Variants in RAPGEF6 observed in about 807,000 individuals in gnomAD.
The protein encoded by RAPGEF6 is PDZ domain containing guanine nucleotide exchange factor (GEF) 2.
RAPGEF6 carries 56 observed loss-of-function variants against 171.4 expected under a neutral mutation model. The ratio of observed to expected loss-of-function variants is 0.33; its 90% confidence interval spans 0.26 to 0.41. The LOEUF (loss-of-function observed/expected upper bound fraction) is 0.41, where lower values mean the gene tolerates loss of function less well. Among genes scored for constraint, RAPGEF6 ranks in the 10% least tolerant of loss-of-function variants. RAPGEF6 has a pLI of 1.00. For missense variants in RAPGEF6, 1,674 were observed against 1,921.4 expected, an observed-to-expected ratio of 0.87 and a Z score of 2.41; for synonymous variants, 692 against 650.1, an observed-to-expected ratio of 1.06 and a Z score of -0.98.
At chr5:131,602,627 G>A (rs573019046) in intron 3 of RAPGEF6, among the ~76,000 whole-genome samples, 22 of 152,202 alleles carry the variant, frequency 1.4e-4, no homozygotes, top group Admixed American at 5.9e-4. Context: ...CAGGCATGGC[G>A]GCTAATGCCC....
At chr5:131,438,151 G>T (rs879899259) in intron 24 of RAPGEF6, among the ~76,000 whole-genome samples, 5 of 152,100 alleles carry the variant, frequency 3.3e-5, no homozygotes, top group African/African-American at 7.2e-5. Context: ...ACTACCCCTG[G>T]CTAATTTTTT....
chr5:131,627,663 C>T (rs923379048), intron 1 of RAPGEF6, among the ~76,000 whole-genome samples: 6 of 152,070 alleles, frequency 3.9e-5, no homozygotes, highest in East Asian at 1.9e-4. Context: ...GGCATAATGA[C>T]GCAAAGAAGT....
At chr5:131,540,548 A>G (rs1325766177) in intron 6 of RAPGEF6, among the ~76,000 whole-genome samples, 3 of 152,236 alleles carry the variant, frequency 2.0e-5, no homozygotes, top group African/African-American at 7.2e-5. Context: ...TGGGCAACAG[A>G]GCGAGACCCT....
chr5:131,513,700 A>G (rs1345767239), intron 7 of RAPGEF6, among the ~76,000 whole-genome samples: 1 of 152,146 alleles, frequency 6.6e-6, no homozygotes, highest in African/African-American at 2.4e-5. Context: ...AAAGAATATA[A>G]TCTACCCTTA....
At position 131,498,687 on chromosome 5, in the gene RAPGEF6, T is replaced by C. The variant is rs948966609; in HGVS notation, c.1255-80A>G. The C allele has an allele frequency of 3.2e-6, 4 of 1,266,396 alleles. No individual in the cohort carries two copies. In the East Asian group the frequency reaches 7.0e-5, roughly 22 times the overall value. 78.4% of individuals were successfully genotyped at this position (1,266,396 alleles called of 1,614,324 possible). On this transcript the variant is annotated intron_variant, in intron 11 of 27. Coordinates refer to ENST00000509018, the MANE Select transcript of RAPGEF6 (RefSeq NM_016340.6). ...AAGAACTATTGTTGATTACTCCGCT[T>C]TGTAGCTACTCCATTAGACAAATCG...
chr5:131,569,945 G>A (rs1762174314), intron 4 of RAPGEF6, among the ~76,000 whole-genome samples: 1 of 150,772 alleles, frequency 6.6e-6, no homozygotes, highest in Non-Finnish European at 1.5e-5. Context: ...GGGAGGCTGA[G>A]GCAGGAGAAT....
At chr5:131,552,009 A>C (rs1346096587) in intron 5 of RAPGEF6, among the ~76,000 whole-genome samples, 2 of 152,146 alleles carry the variant, frequency 1.3e-5, no homozygotes, top group Non-Finnish European at 2.9e-5. Context: ...ATGATGTGAA[A>C]GCAAGAATAC....
At chr5:131,567,095 CAA>C (rs34938105) in intron 4 of RAPGEF6, among the ~76,000 whole-genome samples, 53 of 131,654 alleles carry the variant, frequency 4.0e-4, no homozygotes, top group African/African-American at 1.2e-3. Context: ...ACTCTTGTCT[CAA>C]AAAAAAAAAA....
intron 1 of RAPGEF6, among the ~76,000 whole-genome samples, chr5:131,628,966 A>G (rs1766117440): frequency 6.6e-6 from 1 of 152,214 alleles, no homozygotes; most frequent in South Asian, 2.1e-4. Flanking sequence ...AAGAGCTCAG[A>G]TGGAGGTACA....
At chr5:131,586,468 T>TAAAA (rs1763262508) in intron 4 of RAPGEF6, among the ~76,000 whole-genome samples, 1 of 152,158 alleles carries the variant, frequency 6.6e-6, no homozygotes, top group African/African-American at 2.4e-5. Flanking sequence ...CTGTCTCTAC[T>TAAAA]AAAAATACAA....
At chr5:131,524,440 A>G (rs1758719287) in intron 6 of RAPGEF6, among the ~76,000 whole-genome samples, 1 of 152,168 alleles carries the variant, frequency 6.6e-6, no homozygotes, top group South Asian at 2.1e-4. Context: ...AAAGCATAGT[A>G]AAAAAGTGTA....
intron 6 of RAPGEF6, among the ~76,000 whole-genome samples, chr5:131,535,277 G>A (rs1013182098): frequency 6.6e-6 from 1 of 152,038 alleles, no homozygotes; most frequent in African/African-American, 2.4e-5. Flanking sequence ...TACTCAACAC[G>A]GGGATCCACC....
At chr5:131,490,059 G>A (rs1050977628) in intron 14 of RAPGEF6, among the ~76,000 whole-genome samples, 2 of 152,082 alleles carry the variant, frequency 1.3e-5, no homozygotes, top group African/African-American at 2.4e-5. Context: ...TTCTTTTAAA[G>A]GGAGTACTCT....
At chr5:131,540,757 A>C (rs1456442491) in intron 6 of RAPGEF6, among the ~76,000 whole-genome samples, 1 of 152,228 alleles carries the variant, frequency 6.6e-6, no homozygotes, top group African/African-American at 2.4e-5. Flanking sequence ...CTAGAGAATA[A>C]AGTTAAATAA....
intron 7 of RAPGEF6, 53 bp from the exon 8 acceptor site, chr5:131,510,544 TCA>T: frequency 6.4e-7 from 1 of 1,550,768 alleles, no homozygotes; most frequent in East Asian, 2.3e-5. Context: ...ATATTATAAG[TCA>T]CAGTCTGAAT....
chr5:131,622,283 T>G (rs1295496693), intron 1 of RAPGEF6, among the ~76,000 whole-genome samples: 1 of 152,232 alleles, frequency 6.6e-6, no homozygotes, highest in African/African-American at 2.4e-5. Flanking sequence ...ATTTTGATTC[T>G]GAGAGATTGA....
intron 6 of RAPGEF6, among the ~76,000 whole-genome samples, chr5:131,522,354 C>T (rs1430788315): frequency 6.6e-6 from 1 of 152,132 alleles, no homozygotes; most frequent in Non-Finnish European, 1.5e-5. Flanking sequence ...AAGAAGTATG[C>T]TAATTTATTT....
chr5:131,524,640 G>C (rs1758758137), intron 6 of RAPGEF6, among the ~76,000 whole-genome samples: 1 of 129,002 alleles, frequency 7.8e-6, no homozygotes, highest in African/African-American at 2.8e-5. Flanking sequence ...GAGAGAGAGA[G>C]AGACTTGCTC....
At chr5:131,573,444 CA>C (rs1762426492) in intron 4 of RAPGEF6, among the ~76,000 whole-genome samples, 3 of 152,054 alleles carry the variant, frequency 2.0e-5, no homozygotes, top group Admixed American at 1.3e-4. Flanking sequence ...CTCAGTCCTA[CA>C]ATCTAACCTG....
Sources: allele counts gnomAD v4.1 joint callset (sites outside exome capture counted in the v4.1 genomes callset), GRCh38; gene constraint gnomAD v4.1.1; transcripts MANE v1.5; gene names NCBI Gene and HGNC (gene_info 2026-07-23, HGNC 2026-07-21).